Variants in PIBF1 observed in about 807,000 individuals in gnomAD.
PIBF1 encodes the protein progesterone immunomodulatory binding factor 1.
Under a neutral mutation model 112.5 loss-of-function variants are expected in PIBF1, and 90 were observed. That is an observed-to-expected ratio of 0.80 (90% CI 0.67 to 0.95). PIBF1 has a LOEUF of 0.95. Ranked by LOEUF, PIBF1 falls within the 40% of genes least tolerant of loss-of-function variation. The pLI, the probability that PIBF1 is intolerant of heterozygous loss-of-function variation, is 0.00. For synonymous variants in PIBF1, 301 were observed against 288.6 expected (o/e 1.04, Z -0.44); for missense variants, 915 against 852.3 (o/e 1.07, Z -0.92).
At chr13:72,888,126 C>T (rs1247321556) in intron 10 of PIBF1, among the ~76,000 whole-genome samples, 1 of 151,960 alleles carries the variant, frequency 6.6e-6, no homozygotes, top group Non-Finnish European at 1.5e-5. Flanking sequence ...GGTGAATAAA[C>T]TAGGTATACT....
chr13:72,951,555 T>C (rs554888623), intron 14 of PIBF1, among the ~76,000 whole-genome samples: 23 of 152,088 alleles, frequency 1.5e-4, no homozygotes, highest in Non-Finnish European at 3.2e-4. Context: ...CGTTTAAAAA[T>C]AGGCAAAGAC....
At chr13:72,971,977 A>G (rs1237566868) in intron 15 of PIBF1, among the ~76,000 whole-genome samples, 1 of 151,232 alleles carries the variant, frequency 6.6e-6, no homozygotes, top group Non-Finnish European at 1.5e-5. Flanking sequence ...AGTCTGCCAA[A>G]TATTATTCTA....
intron 16 of PIBF1, among the ~76,000 whole-genome samples, chr13:72,994,925 C>A (rs1237177853): frequency 6.6e-6 from 1 of 152,132 alleles, no homozygotes; most frequent in African/African-American, 2.4e-5. Context: ...GTAGCATCAA[C>A]TAGGATAGGA....
Position 72,850,878 on chromosome 13 carries a change from T to G in PIBF1, c.1224-3179T>G, listed in dbSNP as rs1286365185. Among the ~76,000 whole-genome samples, 4 of 152,226 alleles carry G rather than the reference T, an allele frequency of 2.6e-5. No homozygotes were observed. The East Asian group carries it at 7.7e-4, about 29-fold the overall frequency. On this transcript the variant is annotated intron_variant, in intron 9 of 17. Coordinates refer to ENST00000326291, the MANE Select transcript of PIBF1 (RefSeq NM_006346.4). ...AAAATAATAATATGCCATTTTTTGA[T>G]AGCTACTTTAGAATGCACTTCCACT...
intron 5 of PIBF1, among the ~76,000 whole-genome samples, chr13:72,820,698 T>C (rs534183536): frequency 3.2e-4 from 49 of 152,256 alleles, no homozygotes; most frequent in African/African-American, 1.2e-3. Flanking sequence ...AGTCAGTATG[T>C]GTGGAGTGAA....
At chr13:72,913,600 A>T (rs773875854) in intron 12 of PIBF1, among the ~76,000 whole-genome samples, 2 of 152,120 alleles carry the variant, frequency 1.3e-5, no homozygotes, top group Non-Finnish European at 2.9e-5. Flanking sequence ...CAACCTGGCA[A>T]GACCATCTCT....
chr13:72,797,794 G>C (rs1042671357), intron 4 of PIBF1, 113 bp from the exon 5 acceptor site: 1 of 759,896 alleles, frequency 1.3e-6, no homozygotes, highest in Non-Finnish European at 2.1e-6. Context: ...TGACTGTCTT[G>C]TTGTAGTTTT....
At position 72,973,655 on chromosome 13, in the gene PIBF1, C is replaced by G. The variant is rs540319859; in HGVS notation, c.2029C>G (p.Gln677Glu). 1.3e-6 allele frequency: 2 copies of G among 1,558,664 alleles called. No individual in the cohort carries two copies. The highest frequency in any genetic ancestry group is 1.8e-6 in the Non-Finnish European group (2 of 1,141,666). The change falls in exon 16 of 18, where the codon CAA becomes GAA. Residue 677 changes from glutamine to glutamate, a missense_variant. Coordinates refer to ENST00000326291, the MANE Select transcript of PIBF1 (RefSeq NM_006346.4). ...GAATCAAATGGCATTAGATTTAGAACAACTTCTAAATCATCGTGAGGTATT... is the reference window on the plus strand; with the variant it reads ...GAATCAAATGGCATTAGATTTAGAAGAACTTCTAAATCATCGTGAGGTATT... ...TKNQMALDLE[Q>E]LLNHREELAA...
intron 10 of PIBF1, among the ~76,000 whole-genome samples, chr13:72,876,134 C>CTTTTTTTTTTTTTTTTTTTTTTT (rs386363749): frequency 1.1e-5 from 1 of 91,234 alleles, no homozygotes. Flanking sequence ...TGTTCAGATT[C>CTTTTTTTTTTTTTTTTTTTTTTT]TTTTTTTTTT....
intron 16 of PIBF1, among the ~76,000 whole-genome samples, chr13:72,995,971 C>T (rs888765225): frequency 2.1e-5 from 3 of 144,874 alleles, no homozygotes; most frequent in African/African-American, 7.6e-5. Flanking sequence ...AAAAGAAAAA[C>T]CACAAAAGTA....
At chr13:72,804,419 A>T (rs761107474) in intron 5 of PIBF1, among the ~76,000 whole-genome samples, 9 of 152,248 alleles carry the variant, frequency 5.9e-5, no homozygotes, top group Non-Finnish European at 1.2e-4. Flanking sequence ...TGATTGGAAG[A>T]CAAAAGTGTA....
intron 16 of PIBF1, among the ~76,000 whole-genome samples, chr13:72,981,402 A>G (rs775613372): frequency 6.6e-6 from 1 of 152,148 alleles, no homozygotes; most frequent in East Asian, 1.9e-4. Context: ...GAGATAATCA[A>G]TTGAGCAAAA....
chr13:73,007,044 A>G (rs1331230154), intron 17 of PIBF1, among the ~76,000 whole-genome samples: 1 of 151,050 alleles, frequency 6.6e-6, no homozygotes, highest in African/African-American at 2.4e-5. Context: ...ATATATGCAT[A>G]TATAGTTTAT....
At chr13:72,965,501 T>A (rs1594283959) in intron 15 of PIBF1, 97 bp downstream of exon 15, 1 of 952,738 alleles carries the variant, frequency 1.0e-6, no homozygotes, top group East Asian at 2.7e-5. Context: ...AACAGAAAAT[T>A]TAAATAATGA....
chr13:72,791,037 TTTTGTTTGTTTG>T (rs141805152), intron 2 of PIBF1, among the ~76,000 whole-genome samples: 59 of 149,844 alleles, frequency 3.9e-4, no homozygotes, highest in African/African-American at 1.2e-3. Context: ...ATTCATGTAT[TTTTGTTTGTTTG>T]TTTGTTTGTT....
chr13:72,990,373 T>C (rs1234599211), intron 16 of PIBF1, among the ~76,000 whole-genome samples: 1 of 146,648 alleles, frequency 6.8e-6, no homozygotes, highest in East Asian at 2.1e-4. Context: ...ATACAAAAAT[T>C]AGCCAGGTAT....
At chr13:73,009,670 A>G (rs928239241) in intron 17 of PIBF1, among the ~76,000 whole-genome samples, 3 of 152,320 alleles carry the variant, frequency 2.0e-5, no homozygotes, top group African/African-American at 4.8e-5. Flanking sequence ...TAACCTGGGA[A>G]TAAGGAACAT....
chr13:72,867,650 G>A (rs1244020803), intron 10 of PIBF1, among the ~76,000 whole-genome samples: 1 of 152,066 alleles, frequency 6.6e-6, no homozygotes, highest in Non-Finnish European at 1.5e-5. Flanking sequence ...CTAATTGTTA[G>A]CAACTCATTC....
intron 16 of PIBF1, among the ~76,000 whole-genome samples, chr13:72,984,740 G>C (rs564838796): frequency 2.0e-4 from 31 of 152,030 alleles, no homozygotes; most frequent in Non-Finnish European, 4.0e-4. Context: ...TTTGGTTTTT[G>C]TAAGTATTTT....
Sources: gnomAD v4.1 joint callset for allele counts (sites outside exome capture counted in the v4.1 genomes callset) on GRCh38, gnomAD v4.1.1 for gene constraint, MANE v1.5 for transcripts, NCBI Gene and HGNC (gene_info 2026-07-23, HGNC 2026-07-21) for gene names.